Variants in MYO1E observed in about 807,000 individuals in gnomAD.
MYO1E encodes the protein unconventional myosin-Ie.
A neutral mutation model predicts 151.1 loss-of-function variants in MYO1E; 68 were observed. That is an observed-to-expected ratio of 0.45 (90% CI 0.37 to 0.55). MYO1E has a LOEUF of 0.55. Among genes scored for constraint, MYO1E ranks in the 20% least tolerant of loss-of-function variants. MYO1E has a pLI of 0.00. For missense variants in MYO1E, 1,363 were observed against 1,389.3 expected (o/e 0.98, Z 0.30); for synonymous variants, 601 against 501.7 (o/e 1.20, Z -2.64).
At chr15:59,291,102 C>T (rs1302823590) in intron 1 of MYO1E, among the ~76,000 whole-genome samples, 1 of 152,186 alleles carries the variant, frequency 6.6e-6, no homozygotes, top group African/African-American at 2.4e-5. Flanking sequence ...CCAGCAAGAC[C>T]ACAAGCATAT....
chr15:59,195,361 T>C, intron 17 of MYO1E, 100 bp downstream of exon 17: 1 of 1,026,686 alleles, frequency 9.7e-7, no homozygotes, highest in East Asian at 2.4e-5. Context: ...CAAAGACATG[T>C]GCGGACAACT....
At chr15:59,186,981 T>A (rs1287806724) in intron 18 of MYO1E, among the ~76,000 whole-genome samples, 5 of 152,220 alleles carry the variant, frequency 3.3e-5, no homozygotes, top group Non-Finnish European at 5.9e-5. Context: ...TAAAAATAAG[T>A]TTAAATTTAT....
chr15:59,356,683 T>A (rs1164298425), intron 1 of MYO1E, among the ~76,000 whole-genome samples: 1 of 152,024 alleles, frequency 6.6e-6, no homozygotes, highest in African/African-American at 2.4e-5. Flanking sequence ...GCTCCAGCAA[T>A]CCTCCCACAT....
chr15:59,300,737 A>C (rs1342707626), intron 1 of MYO1E, among the ~76,000 whole-genome samples: 1 of 152,230 alleles, frequency 6.6e-6, no homozygotes, highest in Non-Finnish European at 1.5e-5. Flanking sequence ...ATTATGAAAA[A>C]TCCTGACAGG....
intron 14 of MYO1E, chr15:59,206,864 A>T (rs769746803): frequency 6.8e-7 from 1 of 1,463,034 alleles, no homozygotes; most frequent in East Asian, 2.4e-5. Flanking sequence ...GGTCCTGCCA[A>T]CGGCTCTCTT....
chr15:59,341,841 C>T (rs2080767633), intron 1 of MYO1E, among the ~76,000 whole-genome samples: 3 of 152,186 alleles, frequency 2.0e-5, no homozygotes, highest in Admixed American at 2.0e-4. Context: ...GTGCAGCTAT[C>T]TCTTCCATAT....
At chr15:59,272,169 G>A (rs1300941037) in intron 2 of MYO1E, 137 bp downstream of exon 2, 4 of 909,272 alleles carry the variant, frequency 4.4e-6, no homozygotes, top group Admixed American at 3.5e-5. Context: ...TTGCCAGGAT[G>A]GTCTGGAACT....
chr15:59,228,400 G>A (rs575541889), intron 6 of MYO1E, among the ~76,000 whole-genome samples: 5 of 152,128 alleles, frequency 3.3e-5, no homozygotes, highest in African/African-American at 9.6e-5. Context: ...AACCTGGGAG[G>A]TGGAGGATGC....
At position 59,163,206 on chromosome 15, in the gene MYO1E, G is replaced by A. The variant is rs377494998; in HGVS notation, c.2578C>T (p.Arg860Cys). 1.7e-5 allele frequency: 27 copies of A among 1,613,972 alleles called. No individual in the cohort carries two copies. Among genetic ancestry groups the A allele is most frequent in the Admixed American group, 5.0e-5 (3 of 59,988 alleles). ...TGCTTCTGGGTCTTCTCCTCGTAAC[G>A]CTTTGCTAAGAGGCTTAGGAATTCA... ...KTEFLSLLAK[R>C]YEEKTQKQLP... Residue 860 changes from arginine (R) to cysteine (C), a missense_variant, in exon 23 of 28, where the codon CGT becomes TGT. Transcript: ENST00000288235.
At chr15:59,371,583 G>A (rs1242225569) in intron 1 of MYO1E, among the ~76,000 whole-genome samples, 1 of 151,980 alleles carries the variant, frequency 6.6e-6, no homozygotes, top group Non-Finnish European at 1.5e-5. Context: ...CTGGGGAGTT[G>A]GAATAGCAGA....
intron 1 of MYO1E, among the ~76,000 whole-genome samples, chr15:59,322,704 T>C (rs1186782682): frequency 1.3e-5 from 2 of 152,190 alleles, no homozygotes; most frequent in East Asian, 3.8e-4. Flanking sequence ...ACACAGATTG[T>C]ATTGATTCTA....
intron 19 of MYO1E, among the ~76,000 whole-genome samples, chr15:59,176,170 T>G (rs1292421265): frequency 6.6e-6 from 1 of 152,014 alleles, no homozygotes; most frequent in Non-Finnish European, 1.5e-5. Context: ...GCCATTCTCC[T>G]GCCTCAGCCA....
chr15:59,282,036 G>A (rs904695985), intron 1 of MYO1E, among the ~76,000 whole-genome samples: 9 of 152,090 alleles, frequency 5.9e-5, no homozygotes, highest in Admixed American at 3.9e-4. Context: ...CCGATGTTAA[G>A]GTCTACCCTG....
chr15:59,242,579 G>A (rs2080106478), intron 4 of MYO1E, among the ~76,000 whole-genome samples: 1 of 152,186 alleles, frequency 6.6e-6, no homozygotes, highest in South Asian at 2.1e-4. Flanking sequence ...TGGAAGGAAT[G>A]ATGGAAACAG....
At chr15:59,142,308 G>A (rs1302590528) in intron 26 of MYO1E, among the ~76,000 whole-genome samples, 4 of 152,012 alleles carry the variant, frequency 2.6e-5, no homozygotes, top group Non-Finnish European at 5.9e-5. Context: ...AGTGTAGACT[G>A]ACAAGGTCTC....
At chr15:59,227,008 GCCTGC>G (rs1555412738) in intron 7 of MYO1E, among the ~76,000 whole-genome samples, 1 of 152,148 alleles carries the variant, frequency 6.6e-6, no homozygotes, top group Non-Finnish European at 1.5e-5. Flanking sequence ...TTCTGGAGAC[GCCTGC>G]CCTGCAGGCA....
intron 9 of MYO1E, among the ~76,000 whole-genome samples, chr15:59,221,695 C>T (rs1021382784): frequency 7.9e-5 from 12 of 152,148 alleles, no homozygotes; most frequent in African/African-American, 1.4e-4. Flanking sequence ...TGCCAGTGCT[C>T]GGCCTTACCC....
chr15:59,244,505 TAGAC>T (rs1376604290), intron 4 of MYO1E, among the ~76,000 whole-genome samples: 30 of 152,204 alleles, frequency 2.0e-4, no homozygotes, highest in African/African-American at 5.8e-4. Flanking sequence ...TCACACGCCT[TAGAC>T]AGAGAGAATA....
intron 4 of MYO1E, among the ~76,000 whole-genome samples, chr15:59,237,344 T>G (rs1282209749): frequency 6.6e-6 from 1 of 152,220 alleles, no homozygotes; most frequent in Non-Finnish European, 1.5e-5. Flanking sequence ...GAAGCAATAT[T>G]AATCACATCC....
Sources: gnomAD v4.1 joint callset for allele counts (sites outside exome capture counted in the v4.1 genomes callset) on GRCh38, gnomAD v4.1.1 for gene constraint, MANE v1.5 for transcripts, NCBI Gene and HGNC (gene_info 2026-07-23, HGNC 2026-07-21) for gene names.